The following FAM13A variants were observed in gnomAD, a reference collection of about 807,000 sequenced individuals.
FAM13A encodes the protein protein FAM13A.
Under a neutral mutation model 129.6 loss-of-function variants are expected in FAM13A, and 76 were observed. The observed-to-expected ratio is 0.59, with a 90% CI of 0.49 to 0.71. The LOEUF is 0.71. FAM13A is among the 30% of genes least tolerant of loss of function. The pLI is 0.00. For missense variants in FAM13A, 1,108 were observed against 1,249.3 expected, an observed-to-expected ratio of 0.89 and a Z score of 1.70; for synonymous variants, 443 against 449.9, an observed-to-expected ratio of 0.98 and a Z score of 0.20.
In FAM13A at chr4:88,728,284, C is replaced by T. The variant is rs995045960; in HGVS notation, c.*249G>A. 1.7e-5 allele frequency: 9 copies of T among 539,296 alleles called. No homozygotes were observed. Among genetic ancestry groups the T allele is most frequent in the East Asian group, 6.3e-5 (2 of 31,534 alleles). 33.4% of individuals were successfully genotyped at this position (539,296 alleles called of 1,614,324 possible). On this transcript the variant is annotated 3_prime_UTR_variant, in exon 24 of 24. Transcript: ENST00000264344. Reference sequence around the variant, plus strand: ...CTGTGTGTGTGTGTGCGTGCATGCGCGTGCGCATGTGCACATACTGCAGTC... The same window carrying T: ...CTGTGTGTGTGTGTGCGTGCATGCGTGTGCGCATGTGCACATACTGCAGTC...
intron 4 of FAM13A, among the ~76,000 whole-genome samples, chr4:88,962,493 CA>C (rs1227292065): frequency 3.3e-5 from 5 of 152,116 alleles, no homozygotes; most frequent in African/African-American, 9.7e-5. Context: ...TTTCACAGAA[CA>C]GGGAGTTTGG....
rs538060262 is a variant in FAM13A, at chr4:88,781,066, A to G, written c.1458+99T>C. On this transcript the variant is annotated intron_variant, in intron 11 of 23. Coordinates refer to ENST00000264344, the MANE Select transcript of FAM13A (RefSeq NM_014883.4). ...GCTCTAAGGTCTCTTCCAGCACTCA[A>G]AACTGAAAGACTGAAATTACTTTTA... The G allele has an allele frequency of 3.2e-5, 26 of 803,548 alleles. No individual in the cohort carries two copies. In the African/African-American group the frequency reaches 4.2e-4, roughly 13 times the overall value. The allele number at this position is 803,548 out of a possible 1,614,324, so 49.8% of individuals were successfully genotyped here.
chr4:88,756,283 T>C (rs1743615252), intron 14 of FAM13A, among the ~76,000 whole-genome samples: 1 of 152,256 alleles, frequency 6.6e-6, no homozygotes, highest in African/African-American at 2.4e-5. Context: ...ACATTCACTT[T>C]GCGAGAGTTC....
At chr4:89,006,414 C>T (rs990122946) in intron 3 of FAM13A, among the ~76,000 whole-genome samples, 10 of 152,174 alleles carry the variant, frequency 6.6e-5, no homozygotes, top group African/African-American at 2.4e-4. Context: ...GACACTACTG[C>T]TATTGAGAGG....
At chr4:88,739,317 T>A (rs948019395) in intron 19 of FAM13A, among the ~76,000 whole-genome samples, 192 bp from the exon 20 acceptor site, 1 of 152,180 alleles carries the variant, frequency 6.6e-6, no homozygotes, top group Non-Finnish European at 1.5e-5. Flanking sequence ...CTAGTTCAGC[T>A]GCAGATCAGT....
chr4:88,840,478 A>G (rs1365014059), intron 7 of FAM13A, among the ~76,000 whole-genome samples: 1 of 152,198 alleles, frequency 6.6e-6, no homozygotes, highest in Non-Finnish European at 1.5e-5. Context: ...GATGATATAA[A>G]GGATGGAGGT....
intron 6 of FAM13A, among the ~76,000 whole-genome samples, chr4:88,873,213 C>T (rs1741738733): frequency 6.6e-6 from 1 of 152,150 alleles, no homozygotes; most frequent in South Asian, 2.1e-4. Context: ...GACACCCTAA[C>T]ATCACAATTA....
chr4:89,015,348 T>C (rs1274213352), intron 3 of FAM13A, among the ~76,000 whole-genome samples: 3 of 152,274 alleles, frequency 2.0e-5, no homozygotes, highest in Admixed American at 6.5e-5. Flanking sequence ...CCTCCCCCTT[T>C]TGAAAATCAC....
chr4:88,767,937 T>C lies in FAM13A; in HGVS notation c.1535+46A>G, dbSNP rs79093383. ...CACATTGCATTACATGAAAATAACC[T>C]TTTCCTGCCCTTGGAAAGAATATTA... On this transcript the variant is annotated intron_variant, in intron 12 of 23. Transcript: ENST00000264344. 1,159 of 1,188,992 alleles carry C rather than the reference T, an allele frequency of 9.7e-4. 18 individuals carry two copies. In the African/African-American group the frequency reaches 0.015, roughly 15 times the overall value. 73.7% of individuals were successfully genotyped at this position (1,188,992 alleles called of 1,614,324 possible).
intron 6 of FAM13A, among the ~76,000 whole-genome samples, chr4:88,863,530 C>G (rs1739872607): frequency 1.3e-5 from 2 of 152,184 alleles, no homozygotes; most frequent in African/African-American, 4.8e-5. Context: ...AAGTTGGGGC[C>G]ATGGAACCCC....
chr4:88,893,454 C>T (rs1395300447), intron 6 of FAM13A, among the ~76,000 whole-genome samples: 1 of 152,122 alleles, frequency 6.6e-6, no homozygotes, highest in Non-Finnish European at 1.5e-5. Flanking sequence ...GAAACCCCGT[C>T]TTACTAAAAA....
chr4:88,881,738 A>G (rs1383926467), intron 6 of FAM13A, among the ~76,000 whole-genome samples: 3 of 152,166 alleles, frequency 2.0e-5, no homozygotes, highest in Admixed American at 6.5e-5. Context: ...ATGATATAAC[A>G]TATGAAGGGA....
At chr4:88,920,643 C>T (rs1750901547) in intron 5 of FAM13A, among the ~76,000 whole-genome samples, 1 of 152,180 alleles carries the variant, frequency 6.6e-6, no homozygotes, top group Admixed American at 6.5e-5. Flanking sequence ...AAGCAGAGTG[C>T]CTCTCCTCCT....
chr4:89,047,556 T>C (rs1415510863), intron 1 of FAM13A, among the ~76,000 whole-genome samples: 1 of 152,124 alleles, frequency 6.6e-6, no homozygotes, highest in Non-Finnish European at 1.5e-5. Context: ...AAAAATTACA[T>C]TGAGAAACAT....
intron 7 of FAM13A, among the ~76,000 whole-genome samples, chr4:88,849,712 G>A (rs1293202723): frequency 2.0e-5 from 3 of 151,974 alleles, no homozygotes; most frequent in African/African-American, 4.8e-5. Context: ...CAGGGGCCTC[G>A]TTGGTTTTGT....
chr4:88,728,282 C>G lies in FAM13A; in HGVS notation c.*251G>C, dbSNP rs570689270. ...TACTGTGTGTGTGTGTGCGTGCATG[C>G]GCGTGCGCATGTGCACATACTGCAG... On this transcript the variant is annotated 3_prime_UTR_variant, in exon 24 of 24. Transcript: ENST00000264344. 7.5e-6 allele frequency: 4 copies of G among 532,188 alleles called. No individual in the cohort carries two copies. The highest frequency in any genetic ancestry group is 1.9e-5 in the African/African-American group (1 of 52,590). 33.0% of individuals were successfully genotyped at this position (532,188 alleles called of 1,614,324 possible). A position where few individuals can be genotyped will look rare whatever the true frequency, so the allele number is the denominator to read the frequency against.
At chr4:88,835,509 A>G (rs1489920194) in intron 7 of FAM13A, among the ~76,000 whole-genome samples, 1 of 152,126 alleles carries the variant, frequency 6.6e-6, no homozygotes, top group Admixed American at 6.6e-5. Context: ...GATTACATTT[A>G]TTGTGCAGTT....
rs144668547 is a variant in FAM13A at position 89,049,972 on chromosome 4, A to T, written c.27+6966T>A. On this transcript the variant is annotated intron_variant, in intron 1 of 23. Transcript: ENST00000264344. ...CTACTACTGTCTAGCCCAGAGCAAG[A>T]GGCAAGAAATACAAATAAGATACGA... Among the ~76,000 whole-genome samples the T allele has an allele frequency of 1.4e-4, 22 of 152,342 alleles. No homozygotes were observed. The East Asian group carries it at 3.9e-3, about 27-fold the overall frequency.
chr4:88,817,129 A>T (rs867618798), intron 7 of FAM13A, among the ~76,000 whole-genome samples: 24 of 152,214 alleles, frequency 1.6e-4, no homozygotes, highest in African/African-American at 4.8e-4. Flanking sequence ...AACTACTCAC[A>T]AAAGATTACC....
Sources: gnomAD v4.1 joint callset for allele counts (sites outside exome capture counted in the v4.1 genomes callset) on GRCh38, gnomAD v4.1.1 for gene constraint, MANE v1.5 for transcripts, NCBI Gene and HGNC (gene_info 2026-07-23, HGNC 2026-07-21) for gene names.